The following EP400 variants were observed in gnomAD, a reference collection of about 807,000 sequenced individuals.
EP400 encodes the protein E1A-binding protein p400.
In EP400, 105 loss-of-function variants were observed where a neutral mutation model predicts 354.1. That is an observed-to-expected ratio of 0.30 (90% confidence interval 0.25 to 0.35). EP400 has a LOEUF of 0.35. Among genes scored for constraint, EP400 ranks in the 10% least tolerant of loss-of-function variants. The pLI is 1.00. For missense variants in EP400, 3,280 were observed against 4,121.0 expected (o/e 0.80, Z 5.59); for synonymous variants, 1,646 against 1,716.9 (o/e 0.96, Z 1.02).
rs777423888 is a variant in EP400, at chr12:132,023,850, G to A, written c.4764G>A (p.Thr1588=). The change falls in exon 24 of 53, where the codon ACG becomes ACA. Residue 1588 remains threonine, a synonymous_variant. Coordinates refer to ENST00000389561, the MANE Select transcript of EP400 (RefSeq NM_015409.5). ...AGAGCCGCGTGGCTCAGCCAGAGAC[G>A]CCGGTGACACTGCAGTTCCAGGGCA... The part of the protein sequence containing the change: ...GPQSRVAQPE[T]PVTLQFQGSK... 7.1e-5 allele frequency: 115 copies of A among 1,613,494 alleles called. 1 individual carries two copies. In the South Asian group the frequency reaches 9.3e-4, roughly 13 times the overall value.
intron 19 of EP400, among the ~76,000 whole-genome samples, chr12:132,014,529 C>T (rs1325011393): frequency 6.6e-6 from 1 of 152,154 alleles, no homozygotes; most frequent in Non-Finnish European, 1.5e-5. Flanking sequence ...TCAGGCTTTC[C>T]ATTTTCCTGA....
chr12:131,992,402 G>A (rs373230039), intron 11 of EP400, among the ~76,000 whole-genome samples, 172 bp downstream of exon 11: 1 of 152,152 alleles, frequency 6.6e-6, no homozygotes, highest in Middle Eastern at 3.2e-3. Context: ...ATCTCTAGAG[G>A]ACTTGGGATG....
At position 132,018,479 on chromosome 12, in the gene EP400, T is replaced by C; in HGVS notation, c.4277+103T>C. The C allele has an allele frequency of 6.9e-7, 1 of 1,449,692 alleles. No homozygotes were observed. Among genetic ancestry groups the C allele is most frequent in the South Asian group, 1.4e-5 (1 of 69,476 alleles). 89.8% of individuals were successfully genotyped at this position (1,449,692 alleles called of 1,614,324 possible). ...AAGAAAGGCTGCTAATGTAGTTAGG[T>C]TATCTGCTGCTCTTGGGACCTTGCT... On this transcript the variant is annotated intron_variant, in intron 21 of 52. Coordinates refer to ENST00000389561, the MANE Select transcript of EP400 (RefSeq NM_015409.5). The surrounding 1 kb of genome is among the most constrained non-coding windows in gnomAD (Gnocchi z 4.0).
rs748864830 is a variant in EP400 at position 131,979,809 on chromosome 12, T to C, written c.1435+16T>C. 1 of 1,583,964 alleles carries C rather than the reference T, an allele frequency of 6.3e-7. No homozygotes were observed. ...GGTATGGCAGGTACGTCGGCACGGC[T>C]AGCGTGGCCTCGGGAATGCCCCCCT... is the stretch of plus-strand genomic sequence containing the variant. On this transcript the variant is annotated intron_variant, in intron 3 of 52. Transcript: ENST00000389561.
chr12:132,025,763 C>T lies in EP400; in HGVS notation c.4973C>T (p.Pro1658Leu), dbSNP rs770391490. The T allele has an allele frequency of 7.4e-6, 12 of 1,611,892 alleles. No individual in the cohort carries two copies. In the South Asian group the frequency reaches 7.7e-5, roughly 10 times the overall value. Residue 1658 changes from proline (P) to leucine (L), a missense_variant, in exon 25 of 53, where the codon CCC becomes CTC. Physicochemically the swap from Pro to Leu is moderately conservative, Grantham distance 98. Coordinates refer to ENST00000389561, the MANE Select transcript of EP400 (RefSeq NM_015409.5). This position sits in a 1 kb window ranked among gnomAD's most constrained non-coding sequence, Gnocchi z 4.1. Reference sequence around the variant, plus strand: ...GTGCACGGCGCCCTGGGAAGCAAGCCCCCGGCCGGCGGTCCCAGCCCTGCA... The same window carrying T: ...GTGCACGGCGCCCTGGGAAGCAAGCTCCCGGCCGGCGGTCCCAGCCCTGCA... ...GAVHGALGSK[P>L]PAGGPSPAPL...
In EP400 at chr12:132,062,147, C is replaced by A; in HGVS notation, c.7922C>A (p.Thr2641Asn). 6.2e-7 allele frequency: 1 copy of A among 1,613,810 alleles called. No individual in the cohort carries two copies. Among genetic ancestry groups the A allele is most frequent in the Non-Finnish European group, 8.5e-7 (1 of 1,179,892 alleles). Residue 2641 changes from threonine (T) to asparagine (N), a missense_variant, in exon 46 of 53, where the codon ACC (threonine) becomes AAC (asparagine). Physicochemically the swap from Thr to Asn is moderately conservative, Grantham distance 65. Coordinates refer to ENST00000389561, the MANE Select transcript of EP400 (RefSeq NM_015409.5). Reference protein sequence around the residue: ...GGSAPAQVVHTQPPPRAVGSP... With the variant: ...GGSAPAQVVHNQPPPRAVGSP... ...TCTGCTCCCGCCCAGGTGGTGCACA[C>A]CCAGCCCCCGCCACGGGCAGTCGGC...
rs1893000092 is a variant in EP400, at chr12:131,990,568, T to G, written c.2551-68T>G. ...GACTCTGCTTATGTGCTTTAGTGTTTTGTATGCAGAACGTCTGTAATTCCC... is the reference window on the plus strand; with the variant it reads ...GACTCTGCTTATGTGCTTTAGTGTTGTGTATGCAGAACGTCTGTAATTCCC... On this transcript the variant is annotated intron_variant, in intron 8 of 52. Transcript: ENST00000389561. This position sits in a 1 kb window ranked among gnomAD's most constrained non-coding sequence, Gnocchi z 4.2. 8.4e-7 allele frequency: 1 copy of G among 1,194,994 alleles called. No individual in the cohort carries two copies. Among genetic ancestry groups the G allele is most frequent in the South Asian group, 1.4e-5 (1 of 73,856 alleles). 74.0% of individuals were successfully genotyped at this position (1,194,994 alleles called of 1,614,324 possible).
intron 2 of EP400, among the ~76,000 whole-genome samples, chr12:131,975,746 A>G (rs537736000): frequency 2.0e-5 from 3 of 152,112 alleles, no homozygotes; most frequent in African/African-American, 4.8e-5. Flanking sequence ...TTTTGTAGAG[A>G]TGAATTTTCG....
Position 131,986,747 on chromosome 12 carries a change from T to C in EP400, c.2163T>C (p.Ala721=). The C allele has an allele frequency of 6.2e-7, 1 of 1,614,122 alleles. No homozygotes were observed. Among genetic ancestry groups the C allele is most frequent in the Non-Finnish European group, 8.5e-7 (1 of 1,180,014 alleles). Reference sequence around the variant, plus strand: ...CCCCCACCAAACCACAGAGTCCTGCTCAGAATGCCACCTCGTCCCAAGACA... The same window carrying C: ...CCCCCACCAAACCACAGAGTCCTGCCCAGAATGCCACCTCGTCCCAAGACA... ...ASAPTKPQSP[A]QNATSSQDSS... Residue 721 remains alanine, a synonymous_variant, in exon 6 of 53, where the codon GCT becomes GCC. Coordinates refer to ENST00000389561, the MANE Select transcript of EP400 (RefSeq NM_015409.5).
At chr12:132,057,373 C>T (rs1331110284) in intron 45 of EP400, among the ~76,000 whole-genome samples, 1 of 152,186 alleles carries the variant, frequency 6.6e-6, no homozygotes, top group African/African-American at 2.4e-5. Context: ...ATGGAGGACT[C>T]TCAGATGCAT....
chr12:131,992,633 A>C (rs1893077969), intron 11 of EP400, among the ~76,000 whole-genome samples: 1 of 152,204 alleles, frequency 6.6e-6, no homozygotes, highest in African/African-American at 2.4e-5. Context: ...CCTGGTTCAG[A>C]TGAGAACAGA....
rs764229267 is a variant in EP400 at position 131,961,546 on chromosome 12, G to A, written c.927G>A (p.Ala309=). The part of the protein sequence containing the change: ...GVLLPGAGGA[A]GFGMTSPPPP... ...TGCTCCCCGGGGCTGGGGGCGCAGCGGGGTTTGGGATGACGTCCCCACCCC... is the reference window on the plus strand; with the variant it reads ...TGCTCCCCGGGGCTGGGGGCGCAGCAGGGTTTGGGATGACGTCCCCACCCC... Residue 309 remains alanine, a synonymous_variant, in exon 2 of 53, where the codon GCG becomes GCA. Transcript: ENST00000389561. 8.3e-6 allele frequency: 13 copies of A among 1,562,280 alleles called. No individual in the cohort carries two copies. The highest frequency in any genetic ancestry group is 5.8e-5 in the South Asian group (5 of 86,530).
chr12:132,000,565 A>G (rs1417779576), intron 12 of EP400, among the ~76,000 whole-genome samples: 1 of 152,198 alleles, frequency 6.6e-6, no homozygotes, highest in African/African-American at 2.4e-5. Context: ...AAAATGTTCC[A>G]TTATGATAAT....
In EP400 at chr12:132,067,022, CCT is replaced by C. The variant is rs1895914480; in HGVS notation, c.8749+58_8749+59del. On this transcript the variant is annotated intron_variant, in intron 49 of 52. Coordinates refer to ENST00000389561, the MANE Select transcript of EP400 (RefSeq NM_015409.5). The surrounding 1 kb of genome is among the most constrained non-coding windows in gnomAD (Gnocchi z 5.3). Reference sequence around the variant, plus strand: ...CTGGGCTTGAGCCTGGTTTCACAGGCCTCTCTGGTGGCAGTGGTCGCCAGCGA... The same window carrying C: ...CTGGGCTTGAGCCTGGTTTCACAGGCCTCTGGTGGCAGTGGTCGCCAGCGA... The C allele has an allele frequency of 6.7e-7, 1 of 1,494,168 alleles. No homozygotes were observed. Among genetic ancestry groups the C allele is most frequent in the Admixed American group, 2.5e-5 (1 of 40,232 alleles). 92.6% of individuals were successfully genotyped at this position (1,494,168 alleles called of 1,614,324 possible).
chr12:132,073,047 C>G (rs1489617013), intron 51 of EP400, among the ~76,000 whole-genome samples: 1 of 152,090 alleles, frequency 6.6e-6, no homozygotes, highest in Non-Finnish European at 1.5e-5. Flanking sequence ...CGGGCAGGTC[C>G]GGTGCTGTTG....
In EP400 at chr12:132,006,985, C is replaced by T. The variant is rs140927332; in HGVS notation, c.3304+108C>T. 5 of 1,266,826 alleles carry T rather than the reference C, an allele frequency of 3.9e-6. No individual in the cohort carries two copies. The East Asian group carries it at 9.7e-5, about 24-fold the overall frequency. 78.5% of individuals were successfully genotyped at this position (1,266,826 alleles called of 1,614,324 possible). On this transcript the variant is annotated intron_variant, in intron 15 of 52. Coordinates refer to ENST00000389561, the MANE Select transcript of EP400 (RefSeq NM_015409.5). Reference sequence around the variant, plus strand: ...CTTGGCTATCTTATCTACTTCTTTGCTCCTATCTGTTGACCTGAGCAAATT... The same window carrying T: ...CTTGGCTATCTTATCTACTTCTTTGTTCCTATCTGTTGACCTGAGCAAATT...
intron 7 of EP400, 87 bp from the exon 8 acceptor site, chr12:131,989,877 T>A: frequency 6.7e-7 from 1 of 1,492,396 alleles, no homozygotes; most frequent in Non-Finnish European, 9.1e-7. Flanking sequence ...AATTTTAGTC[T>A]GAGAAGATTT....
At chr12:131,958,778 C>G (rs1891785212) in intron 1 of EP400, among the ~76,000 whole-genome samples, 1 of 152,194 alleles carries the variant, frequency 6.6e-6, no homozygotes. Flanking sequence ...GTCTCAGCCT[C>G]CCCAGGTGCT....
At chr12:131,968,050 T>C (rs574790846) in intron 2 of EP400, among the ~76,000 whole-genome samples, 1 of 152,332 alleles carries the variant, frequency 6.6e-6, no homozygotes, top group South Asian at 2.1e-4. Flanking sequence ...TGTCTTTGGC[T>C]TGTTTTTTTC....
Sources: gnomAD v4.1 joint callset for allele counts (sites outside exome capture counted in the v4.1 genomes callset) on GRCh38, gnomAD v4.1.1 for gene constraint, Gnocchi (gnomAD v3.1) non-coding constraint, MANE v1.5 for transcripts, NCBI Gene and HGNC (gene_info 2026-07-23, HGNC 2026-07-21) for gene names.